Variants in SORCS2 observed in about 807,000 individuals in gnomAD.
The protein encoded by SORCS2 is VPS10 domain-containing receptor SorCS2.
A neutral mutation model predicts 141.6 loss-of-function variants in SORCS2; 100 were observed. That is an observed-to-expected ratio of 0.71 (90% CI 0.60 to 0.83). The LOEUF is 0.83. SORCS2 is among the 40% of genes least tolerant of loss of function. The pLI is 0.00. For missense variants in SORCS2, 1,646 were observed against 1,560.2 expected (o/e 1.05, Z -0.93); for synonymous variants, 789 against 676.9 (o/e 1.17, Z -2.57).
intron 3 of SORCS2, among the ~76,000 whole-genome samples, chr4:7,535,730 C>A (rs1252009011): frequency 6.6e-6 from 1 of 152,230 alleles, no homozygotes; most frequent in Non-Finnish European, 1.5e-5. Context: ...CAAAGCCTCA[C>A]ACGTGTGGCC....
intron 1 of SORCS2, among the ~76,000 whole-genome samples, chr4:7,390,683 T>G (rs1723803060): frequency 6.6e-6 from 1 of 152,108 alleles, no homozygotes; most frequent in Non-Finnish European, 1.5e-5. Context: ...TGAACTTCCC[T>G]TGGATGGTGA....
intron 5 of SORCS2, among the ~76,000 whole-genome samples, chr4:7,659,417 A>T (rs1356788193): frequency 6.6e-6 from 1 of 152,098 alleles, no homozygotes; most frequent in African/African-American, 2.4e-5. Context: ...CCGTGACCCT[A>T]GGACATGTCT....
intron 23 of SORCS2, among the ~76,000 whole-genome samples, 180 bp downstream of exon 23, chr4:7,729,892 C>T (rs868681401): frequency 6.6e-6 from 1 of 152,156 alleles, no homozygotes; most frequent in Admixed American, 6.5e-5. Context: ...CTGGAAGTCA[C>T]ACAGCCTCTA....
rs573701682 is a variant in SORCS2 at position 7,647,008 on chromosome 4, C to G, written c.814-7126C>G. ...GGCAACCACTCAGGGCCTCGTCTGT[C>G]AGGCCGGGAGACCCGGACTCTTACC... is the stretch of plus-strand genomic sequence containing the variant. On this transcript the variant is annotated intron_variant, in intron 4 of 26. Transcript: ENST00000507866. Among the ~76,000 whole-genome samples, 31 of 152,312 alleles carry G rather than the reference C, an allele frequency of 2.0e-4. 2 individuals are homozygous for G. The South Asian group carries it at 6.4e-3, about 32-fold the overall frequency.
intron 11 of SORCS2, among the ~76,000 whole-genome samples, chr4:7,691,668 T>C (rs895005406): frequency 6.6e-6 from 1 of 152,086 alleles, no homozygotes; most frequent in Non-Finnish European, 1.5e-5. Flanking sequence ...GCTGACTGCC[T>C]ATCAGCTTCC....
chr4:7,623,563 C>T (rs1442051762), intron 3 of SORCS2, among the ~76,000 whole-genome samples: 1 of 152,124 alleles, frequency 6.6e-6, no homozygotes, highest in East Asian at 1.9e-4. Flanking sequence ...TCCCTGTTGC[C>T]CGACCTGTGG....
At chr4:7,429,962 A>G (rs1313211207) in intron 2 of SORCS2, among the ~76,000 whole-genome samples, 1 of 152,200 alleles carries the variant, frequency 6.6e-6, no homozygotes. Context: ...CATGCCCGGC[A>G]GGCTGGCAAC....
chr4:7,448,491 C>T (rs77024067), intron 2 of SORCS2, among the ~76,000 whole-genome samples: 3,278 of 33,456 alleles, frequency 0.098, 65 homozygotes, highest in Non-Finnish European at 0.27. Flanking sequence ...CCATGTCTCC[C>T]TTCCTTTCCT....
chr4:7,325,622 C>A (rs184659104), intron 1 of SORCS2, among the ~76,000 whole-genome samples: 39 of 152,254 alleles, frequency 2.6e-4, no homozygotes, highest in Non-Finnish European at 4.6e-4. Flanking sequence ...TACTTTGCTG[C>A]GAGGTAATGA....
At chr4:7,603,203 G>C (rs1157314410) in intron 3 of SORCS2, among the ~76,000 whole-genome samples, 1 of 151,908 alleles carries the variant, frequency 6.6e-6, no homozygotes, top group Non-Finnish European at 1.5e-5. Context: ...AGGGGGAGAG[G>C]GAGAGCTAAA....
At chr4:7,587,676 G>T (rs919095421) in intron 3 of SORCS2, among the ~76,000 whole-genome samples, 25 of 152,306 alleles carry the variant, frequency 1.6e-4, no homozygotes, top group African/African-American at 6.0e-4. Flanking sequence ...TCCCAGGGGA[G>T]GTAGGGGGCA....
intron 4 of SORCS2, among the ~76,000 whole-genome samples, chr4:7,652,500 C>T (rs1721509351): frequency 1.3e-5 from 2 of 152,148 alleles, no homozygotes; most frequent in South Asian, 4.1e-4. Flanking sequence ...CCCGTGGGCC[C>T]CCGACCCCGC....
At chr4:7,512,555 C>T (rs531221783) in intron 2 of SORCS2, among the ~76,000 whole-genome samples, 34 of 152,234 alleles carry the variant, frequency 2.2e-4, no homozygotes, top group African/African-American at 7.2e-4. Flanking sequence ...ATAGATCCTC[C>T]GGATTGGGCC....
intron 1 of SORCS2, among the ~76,000 whole-genome samples, chr4:7,302,789 G>A (rs1694478387): frequency 8.2e-6 from 1 of 122,288 alleles, no homozygotes; most frequent in South Asian, 3.1e-4. Context: ...GTGTGTGTGT[G>A]CGCGCGCGTG....
chr4:7,541,944 A>C (rs1313764403), intron 3 of SORCS2, among the ~76,000 whole-genome samples: 2 of 152,200 alleles, frequency 1.3e-5, no homozygotes, highest in Non-Finnish European at 2.9e-5. Flanking sequence ...CAATGAGCAT[A>C]CTTTGGGTGC....
chr4:7,435,042 G>A (rs1727205035), intron 2 of SORCS2: 11 of 828,726 alleles, frequency 1.3e-5, no homozygotes, highest in Non-Finnish European at 2.0e-5. Flanking sequence ...TGGCCTCTTC[G>A]CCTTTGCTCT....
intron 2 of SORCS2, among the ~76,000 whole-genome samples, chr4:7,436,011 C>T (rs570144616): frequency 3.3e-5 from 5 of 152,348 alleles, no homozygotes; most frequent in African/African-American, 1.2e-4. Flanking sequence ...GCAACAGCCA[C>T]ACATGAGGAA....
chr4:7,231,219 G>A (rs1392031639), intron 1 of SORCS2, among the ~76,000 whole-genome samples: 1 of 152,228 alleles, frequency 6.6e-6, no homozygotes, highest in Non-Finnish European at 1.5e-5. Flanking sequence ...CAGGTTGAAG[G>A]CTGTCAGCAA....
chr4:7,463,318 G>A (rs1444898062), intron 2 of SORCS2, among the ~76,000 whole-genome samples: 1 of 152,148 alleles, frequency 6.6e-6, no homozygotes, highest in African/African-American at 2.4e-5. Flanking sequence ...CTTTGAAACT[G>A]GACATAGTCC....
Sources: gnomAD v4.1 joint callset for allele counts (sites outside exome capture counted in the v4.1 genomes callset) on GRCh38, gnomAD v4.1.1 for gene constraint, MANE v1.5 for transcripts, NCBI Gene and HGNC (gene_info 2026-07-23, HGNC 2026-07-21) for gene names.